PLXNA4: variants seen among roughly 807,000 people sequenced by gnomAD.
The protein encoded by PLXNA4 is plexin-A4.
In PLXNA4, 44 loss-of-function variants were observed where a neutral mutation model predicts 191.8. The observed-to-expected ratio is 0.23, with a 90% CI of 0.18 to 0.29. The LOEUF is 0.29. PLXNA4 is among the 10% of genes least tolerant of loss of function. PLXNA4 has a pLI of 1.00. For synonymous variants in PLXNA4, 1,082 were observed against 1,009.5 expected, an observed-to-expected ratio of 1.07 and a Z score of -1.36; for missense variants, 1,800 against 2,488.8, an observed-to-expected ratio of 0.72 and a Z score of 5.89.
intron 2 of PLXNA4, among the ~76,000 whole-genome samples, chr7:132,493,994 T>G (rs535037182): frequency 1.2e-4 from 19 of 152,200 alleles, no homozygotes; most frequent in Non-Finnish European, 2.4e-4. Flanking sequence ...TTTGTTGTAC[T>G]GTGGTGAGGA....
At chr7:132,230,591 A>C (rs539173908) in intron 5 of PLXNA4, among the ~76,000 whole-genome samples, 9 of 152,260 alleles carry the variant, frequency 5.9e-5, no homozygotes, top group Non-Finnish European at 8.8e-5. Context: ...CGTCTGCCTA[A>C]AAGACTTGGA....
upstream of PLXNA4, among the ~76,000 whole-genome samples, chr7:132,580,415 T>A (rs1274618901): frequency 4.6e-5 from 7 of 152,198 alleles, no homozygotes; most frequent in African/African-American, 1.7e-4. Flanking sequence ...TGTCCCCTAC[T>A]GACAATGGCT....
At chr7:132,588,453 A>G (rs1317555436) in intron 2 of PLXNA4, among the ~76,000 whole-genome samples, 1 of 152,068 alleles carries the variant, frequency 6.6e-6, no homozygotes, top group Non-Finnish European at 1.5e-5. Flanking sequence ...CTGTACTGCA[A>G]TCAGTATTAT....
chr7:132,433,816 G>T (rs1795365479), intron 3 of PLXNA4, among the ~76,000 whole-genome samples: 1 of 152,160 alleles, frequency 6.6e-6, no homozygotes, highest in Admixed American at 6.5e-5. Context: ...ATTCTAGAAA[G>T]AATCACCATA....
intron 3 of PLXNA4, among the ~76,000 whole-genome samples, chr7:132,477,048 T>C (rs893220102): frequency 6.6e-6 from 1 of 152,230 alleles, no homozygotes; most frequent in African/African-American, 2.4e-5. Flanking sequence ...CCATATCCTA[T>C]ATTTTTTGCA....
At chr7:132,342,926 AAC>A (rs1170925711) in intron 3 of PLXNA4, among the ~76,000 whole-genome samples, 1 of 149,342 alleles carries the variant, frequency 6.7e-6, no homozygotes, top group Non-Finnish European at 1.5e-5. Flanking sequence ...CAGTCTGGGC[AAC>A]AGAGTGAGAC....
intron 21 of PLXNA4, among the ~76,000 whole-genome samples, chr7:132,174,214 A>ATC (rs1796383124): frequency 6.6e-6 from 1 of 152,222 alleles, no homozygotes; most frequent in Non-Finnish European, 1.5e-5. Flanking sequence ...TATAATATGA[A>ATC]TAGACACCTA....
intron 25 of PLXNA4, among the ~76,000 whole-genome samples, chr7:132,151,592 GGA>G: frequency 8.8e-5 from 3 of 34,072 alleles, no homozygotes; most frequent in Non-Finnish European, 4.5e-4. Context: ...GGAGGAGAAA[GGA>G]GGAGAGGGAG....
chr7:132,471,572 ACAG>A (rs944607410), intron 3 of PLXNA4, among the ~76,000 whole-genome samples: 1 of 152,130 alleles, frequency 6.6e-6, no homozygotes, highest in East Asian at 1.9e-4. Context: ...CCTTGCCAGG[ACAG>A]CAGCAGCAGC....
At chr7:132,150,722 G>A (rs753659036) in intron 25 of PLXNA4, among the ~76,000 whole-genome samples, 3 of 152,238 alleles carry the variant, frequency 2.0e-5, no homozygotes, top group Non-Finnish European at 4.4e-5. Context: ...CAAGGGCACT[G>A]CTTGCTGATA....
At chr7:132,169,570 A>C (rs1796222339) in intron 21 of PLXNA4, among the ~76,000 whole-genome samples, 1 of 152,248 alleles carries the variant, frequency 6.6e-6, no homozygotes, top group African/African-American at 2.4e-5. Flanking sequence ...AATGTACTGA[A>C]TGAAAAAAGC....
intron 3 of PLXNA4, among the ~76,000 whole-genome samples, chr7:132,453,584 C>T (rs1796208330): frequency 6.6e-6 from 1 of 151,896 alleles, no homozygotes; most frequent in African/African-American, 2.4e-5. Flanking sequence ...TCAGTGTCAC[C>T]AGGCTGGAGA....
chr7:132,547,806 A>AC (rs1424399008), intron 1 of PLXNA4, among the ~76,000 whole-genome samples: 1 of 151,996 alleles, frequency 6.6e-6, no homozygotes, highest in African/African-American at 2.4e-5. Context: ...CTAGATTTTT[A>AC]CTCTTTGGAC....
At chr7:132,460,798 G>A (rs191880968) in intron 3 of PLXNA4, among the ~76,000 whole-genome samples, 1 of 152,018 alleles carries the variant, frequency 6.6e-6, no homozygotes. Flanking sequence ...AAAAGCAGAG[G>A]GGGGATGGGA....
At chr7:132,477,675 TG>T (rs1474594723) in intron 3 of PLXNA4, among the ~76,000 whole-genome samples, 2 of 152,320 alleles carry the variant, frequency 1.3e-5, no homozygotes, top group Non-Finnish European at 2.9e-5. Context: ...ATTCAGCATT[TG>T]TTACCTTCGG....
At chr7:132,261,244 G>A (rs1279360786) in intron 4 of PLXNA4, among the ~76,000 whole-genome samples, 1 of 152,220 alleles carries the variant, frequency 6.6e-6, no homozygotes, top group African/African-American at 2.4e-5. Flanking sequence ...AATGTGGAGA[G>A]CCAAGGTTGG....
rs749928553 is a variant in PLXNA4, at chr7:132,508,727, C to G, written c.-34G>C. On this transcript the variant is annotated 5_prime_UTR_variant, in exon 2 of 32. Coordinates refer to ENST00000321063, the MANE Select transcript of PLXNA4 (RefSeq NM_020911.2). This position sits in a 1 kb window ranked among gnomAD's most constrained non-coding sequence, Gnocchi z 4.4. ...CGGGTCCCAGTGGCACAGCAGCACT[C>G]AGGCACAGTCGTCCCCTCAGAGGGC... The G allele has an allele frequency of 3.1e-5, 46 of 1,470,734 alleles. No individual in the cohort carries two copies. The highest frequency in any genetic ancestry group is 3.9e-5 in the Non-Finnish European group (44 of 1,114,400). 91.1% of individuals were successfully genotyped at this position (1,470,734 alleles called of 1,614,324 possible). A position where few individuals can be genotyped will look rare whatever the true frequency, so the allele number is the denominator to read the frequency against.
At chr7:132,270,942 T>A (rs566895634) in intron 4 of PLXNA4, among the ~76,000 whole-genome samples, 29 of 152,182 alleles carry the variant, frequency 1.9e-4, no homozygotes, top group Non-Finnish European at 4.0e-4. Flanking sequence ...CTCACTTACA[T>A]CTGGTTCTTA....
intron 3 of PLXNA4, among the ~76,000 whole-genome samples, chr7:132,309,696 T>C (rs1801655212): frequency 6.6e-6 from 1 of 152,104 alleles, no homozygotes; most frequent in Non-Finnish European, 1.5e-5. Flanking sequence ...CTTCATGCTG[T>C]TACACCAGAA....
Sources: gnomAD v4.1 joint callset for allele counts (sites outside exome capture counted in the v4.1 genomes callset) on GRCh38, gnomAD v4.1.1 for gene constraint, Gnocchi (gnomAD v3.1) non-coding constraint, MANE v1.5 for transcripts, NCBI Gene and HGNC (gene_info 2026-07-23, HGNC 2026-07-21) for gene names.